The following DNAJC18 variants were observed in gnomAD, a reference collection of about 807,000 sequenced individuals.
The protein encoded by DNAJC18 is dnaJ homolog subfamily C member 18.
Under a neutral mutation model 48.6 loss-of-function variants are expected in DNAJC18, and 40 were observed. That is an observed-to-expected ratio of 0.82 (90% CI 0.64 to 1.07). The LOEUF (loss-of-function observed/expected upper bound fraction) is 1.07. Among genes scored for constraint, DNAJC18 ranks in the 50% least tolerant of loss-of-function variants. DNAJC18 has a pLI of 0.00. For missense variants in DNAJC18, 340 were observed against 427.7 expected, an observed-to-expected ratio of 0.79 and a Z score of 1.81; for synonymous variants, 135 against 152.2, an observed-to-expected ratio of 0.89 and a Z score of 0.83.
rs181611763 is a variant in DNAJC18, at chr5:139,434,591, G to C, written c.227+2781C>G. Among the ~76,000 whole-genome samples, 355 of 152,192 alleles carry C rather than the reference G, an allele frequency of 2.3e-3. 2 individuals are homozygous for C. The highest frequency in any genetic ancestry group is 8.3e-3 in the African/African-American group (343 of 41,522). ...TCCTATCTCAGCCTCCCAAAGTTTT[G>C]AATTACAGGCATGAGCCACCACACC... On this transcript the variant is annotated intron_variant, in intron 2 of 7. Coordinates refer to ENST00000302060, the MANE Select transcript of DNAJC18 (RefSeq NM_152686.4).
intron 7 of DNAJC18, among the ~76,000 whole-genome samples, chr5:139,417,135 C>T (rs543393901): frequency 7.4e-5 from 11 of 148,556 alleles, no homozygotes; most frequent in Non-Finnish European, 1.3e-4. Flanking sequence ...GGTTGCAGTG[C>T]GCCGAGATTG....
chr5:139,426,328 T>G lies in DNAJC18; in HGVS notation c.403A>C (p.Asn135His), dbSNP rs151144607. 3.3e-5 allele frequency: 53 copies of G among 1,614,138 alleles called. No individual in the cohort carries two copies. Among genetic ancestry groups the G allele is most frequent in the Non-Finnish European group, 4.0e-5 (47 of 1,180,010 alleles). Residue 135 changes from asparagine to histidine, a missense_variant, in exon 4 of 8, where the codon AAT becomes CAT. Physicochemically the swap from Asn to His is moderately conservative, Grantham distance 68. Coordinates refer to ENST00000302060, the MANE Select transcript of DNAJC18 (RefSeq NM_152686.4). ...TCATAGCGAAGTCTCTTATCAGGAT[T>G]GCTCAGGACTGCAAATGCATTTCCT... ...AIGNAFAVLS[N>H]PDKRLRYDEY...
In DNAJC18 at chr5:139,426,316, T is replaced by A. The variant is rs1313414879; in HGVS notation, c.415A>T (p.Arg139Ter). ...TCTCCGTATTCATCATAGCGAAGTC[T>A]CTTATCAGGATTGCTCAGGACTGCA... is the stretch of plus-strand genomic sequence containing the variant. ...AFAVLSNPDK[R>*]LRYDEYGDEQ... is the part of the protein sequence containing the mutation. Residue 139 changes from arginine to a stop codon, truncating the protein, a stop_gained, in exon 4 of 8, where the codon AGA (arginine) becomes TGA (stop). Transcript: ENST00000302060. LOFTEE classifies it high-confidence loss of function. 1 of 1,614,064 alleles carries A rather than the reference T, an allele frequency of 6.2e-7. No homozygotes were observed. The highest frequency in any genetic ancestry group is 1.3e-5 in the African/African-American group (1 of 74,928).
At chr5:139,417,277 G>A (rs1759084053) in intron 7 of DNAJC18, among the ~76,000 whole-genome samples, 1 of 151,706 alleles carries the variant, frequency 6.6e-6, no homozygotes, top group Non-Finnish European at 1.5e-5. Context: ...GATTTAAAAA[G>A]TCAATGGCTA....
At chr5:139,419,189 A>C (rs1759112382) in intron 7 of DNAJC18, 1 of 445,198 alleles carries the variant, frequency 2.2e-6, no homozygotes, top group Non-Finnish European at 4.5e-6. Context: ...AATAAAAAAG[A>C]AAATAAAAAT....
chr5:139,422,888 T>C, intron 5 of DNAJC18, 71 bp from the exon 6 acceptor site: 1 of 1,035,644 alleles, frequency 9.7e-7, no homozygotes, highest in South Asian at 1.5e-5. Flanking sequence ...CAGGCTGGAG[T>C]GCAGTGGTGC....
intron 2 of DNAJC18, among the ~76,000 whole-genome samples, chr5:139,436,311 T>C (rs1357955385): frequency 2.0e-5 from 3 of 151,828 alleles, no homozygotes; most frequent in Non-Finnish European, 4.4e-5. Flanking sequence ...GGTCTCAAAC[T>C]CCTGGTCTCA....
intron 2 of DNAJC18, among the ~76,000 whole-genome samples, chr5:139,431,110 C>T (rs1759323953): frequency 6.6e-6 from 1 of 152,142 alleles, no homozygotes; most frequent in Non-Finnish European, 1.5e-5. Context: ...CATGGGGAGT[C>T]TTTGAATCCC....
intron 6 of DNAJC18, among the ~76,000 whole-genome samples, chr5:139,420,707 C>A (rs1451883482): frequency 6.6e-6 from 1 of 151,644 alleles, no homozygotes; most frequent in Non-Finnish European, 1.5e-5. Flanking sequence ...TAGCTGCTAA[C>A]TGAGAACTGC....
At position 139,439,393 on chromosome 5, in the gene DNAJC18, G is replaced by A. The variant is rs761180961; in HGVS notation, c.40+13C>T. ...AGGCCGCCCTATCCCTCCTTCAGGC[G>A]GGGACCTAGTACCTTCCGTCCAGCG... On this transcript the variant is annotated intron_variant, in intron 1 of 7. Transcript: ENST00000302060. The surrounding 1 kb of genome is among the most constrained non-coding windows in gnomAD (Gnocchi z 4.1). 2.5e-6 allele frequency: 4 copies of A among 1,614,112 alleles called. No homozygotes were observed. The highest frequency in any genetic ancestry group is 3.4e-6 in the Non-Finnish European group (4 of 1,180,022).
rs1750613298 is a variant in DNAJC18 at position 139,434,953 on chromosome 5, G to A, written c.227+2419C>T. ...ACTTGTCTTGTTCCTGATCTTGGTG[G>A]GAAAACACCTAGTTGTTCACCTTTA... is the stretch of plus-strand genomic sequence containing the variant. On this transcript the variant is annotated intron_variant, in intron 2 of 7. Transcript: ENST00000302060. Among the ~76,000 whole-genome samples the A allele has an allele frequency of 2.0e-5, 3 of 152,164 alleles. No homozygotes were observed. In the South Asian group the frequency reaches 6.2e-4, roughly 32 times the overall value.
chr5:139,427,326 CAATTTCATT>C (rs1472194717), intron 3 of DNAJC18, among the ~76,000 whole-genome samples: 1 of 152,100 alleles, frequency 6.6e-6, no homozygotes, highest in Non-Finnish European at 1.5e-5. Flanking sequence ...AAACCTTGCC[CAATTTCATT>C]TAAACATACA....
chr5:139,413,925 A>G lies in DNAJC18; in HGVS notation c.*223T>C. Reference sequence around the variant, plus strand: ...GAATCCAATGCCTTGCCATTAATTTAACTTAGATGAACTACTCCTGGTCCC... The same window carrying G: ...GAATCCAATGCCTTGCCATTAATTTGACTTAGATGAACTACTCCTGGTCCC... On this transcript the variant is annotated 3_prime_UTR_variant, in exon 8 of 8. Transcript: ENST00000302060. 1 of 543,704 alleles carries G rather than the reference A, an allele frequency of 1.8e-6. No homozygotes were observed. Among genetic ancestry groups the G allele is most frequent in the Non-Finnish European group, 3.1e-6 (1 of 320,830 alleles). The allele number at this position is 543,704 out of a possible 1,614,324, so 33.7% of individuals were successfully genotyped here. A position where few individuals can be genotyped will look rare whatever the true frequency, so the allele number is the denominator to read the frequency against.
rs1376187069 is a variant in DNAJC18 at position 139,414,139 on chromosome 5, A to G, written c.*9T>C. The G allele has an allele frequency of 1.2e-6, 2 of 1,612,064 alleles. No individual in the cohort carries two copies. The highest frequency in any genetic ancestry group is 2.2e-5 in the East Asian group (1 of 44,872). ...CAAAACCCCAGCCCTGCGTAGGACC[A>G]TTATCCTCTCAGCCACCTCTGCGTA... On this transcript the variant is annotated 3_prime_UTR_variant, in exon 8 of 8. Transcript: ENST00000302060.
chr5:139,429,080 C>CTTTTTTTTTTTTTTT (rs559935676), intron 2 of DNAJC18, among the ~76,000 whole-genome samples: 2 of 114,586 alleles, frequency 1.7e-5, no homozygotes, highest in African/African-American at 3.3e-5. Flanking sequence ...GTATTTTTTG[C>CTTTTTTTTTTTTTTT]TTTTTTTTTT....
Position 139,420,101 on chromosome 5 carries a change from C to T in DNAJC18, c.904G>A (p.Asp302Asn). The T allele has an allele frequency of 1.9e-6, 3 of 1,604,488 alleles. No individual in the cohort carries two copies. Among genetic ancestry groups the T allele is most frequent in the South Asian group, 2.3e-5 (2 of 88,766 alleles). The change falls in exon 7 of 8, where the codon GAT becomes AAT. Residue 302 changes from aspartate to asparagine, a missense_variant. Coordinates refer to ENST00000302060, the MANE Select transcript of DNAJC18 (RefSeq NM_152686.4). ...CTAGTCTGGATATAATCAATGTAAT[C>T]CTTCTCTATTGTTTTCTCCAAGTCA... ...LHDLEKTIEK[D>N]YIDYIQTSCW...
At chr5:139,418,995 C>G in intron 7 of DNAJC18, 1 of 414,092 alleles carries the variant, frequency 2.4e-6, no homozygotes, top group South Asian at 1.7e-5. Flanking sequence ...GAGAGCTTAA[C>G]TTGAGGGCGG....
At chr5:139,438,134 G>A (rs762442631) in intron 1 of DNAJC18, among the ~76,000 whole-genome samples, 1 of 152,018 alleles carries the variant, frequency 6.6e-6, no homozygotes, top group Non-Finnish European at 1.5e-5. Context: ...GGCTAACACC[G>A]TGAAACTCCG....
chr5:139,418,881 ATAGTC>A (rs1759108008), intron 7 of DNAJC18: 1 of 456,112 alleles, frequency 2.2e-6, no homozygotes, highest in Non-Finnish European at 4.4e-6. Context: ...CAGACAGTCC[ATAGTC>A]TTGCAGGGGA....
Sources: gnomAD v4.1 joint callset for allele counts (sites outside exome capture counted in the v4.1 genomes callset) on GRCh38, gnomAD v4.1.1 for gene constraint, Gnocchi (gnomAD v3.1) non-coding constraint, MANE v1.5 for transcripts, NCBI Gene and HGNC (gene_info 2026-07-23, HGNC 2026-07-21) for gene names.